The following SFMBT2 variants were observed in gnomAD, a reference collection of about 807,000 sequenced individuals.
The protein encoded by SFMBT2 is Scm like with four mbt domains 2, also known as scm-like with four MBT domains protein 2.
A neutral mutation model predicts 110.1 loss-of-function variants in SFMBT2; 38 were observed. The observed-to-expected ratio is 0.35, with a 90% confidence interval of 0.27 to 0.45. SFMBT2 has a LOEUF of 0.45. Ranked by LOEUF, SFMBT2 falls within the 20% of genes least tolerant of loss-of-function variation. The pLI is 1.00. For synonymous variants in SFMBT2, 425 were observed against 425.4 expected, an observed-to-expected ratio of 1.00 and a Z score of 0.01; for missense variants, 1,011 against 1,094.9, an observed-to-expected ratio of 0.92 and a Z score of 1.08.
chr10:7,207,325 A>G (rs1214283803), intron 11 of SFMBT2, among the ~76,000 whole-genome samples: 1 of 151,608 alleles, frequency 6.6e-6, no homozygotes, highest in African/African-American at 2.4e-5. Context: ...GCACTATTGT[A>G]CTCTGGCCTA....
chr10:7,335,579 AG>A (rs1843695306), intron 4 of SFMBT2, among the ~76,000 whole-genome samples: 1 of 109,710 alleles, frequency 9.1e-6, no homozygotes, highest in Admixed American at 1.1e-4. Flanking sequence ...AAACAGAAAC[AG>A]AAACACACAC....
Position 7,162,477 on chromosome 10 carries a change from T to G in SFMBT2, c.*1293A>C, listed in dbSNP as rs1218313167. 6.6e-6 allele frequency: 1 copy of G among 152,242 alleles called. No individual in the cohort carries two copies. The highest frequency in any genetic ancestry group is 1.5e-5 in the Non-Finnish European group (1 of 68,082). 9.4% of individuals were successfully genotyped at this position (152,242 alleles called of 1,614,324 possible). ...GGGTGCCAAGTGGCTGACTCCAGAT[T>G]CACTGCTCCTGCTGCATCATGCCTG... On this transcript the variant is annotated 3_prime_UTR_variant, in exon 21 of 21. Transcript: ENST00000397167.
At chr10:7,307,154 A>G (rs1842720425) in intron 4 of SFMBT2, among the ~76,000 whole-genome samples, 1 of 152,244 alleles carries the variant, frequency 6.6e-6, no homozygotes, top group South Asian at 2.1e-4. Flanking sequence ...GTAGAAAACT[A>G]TTACACAGAA....
At position 7,172,051 on chromosome 10, in the gene SFMBT2, G is replaced by C; in HGVS notation, c.2259C>G (p.Pro753=). Residue 753 remains proline, a synonymous_variant, in exon 19 of 21, where the codon CCC becomes CCG. Coordinates refer to ENST00000397167, the MANE Select transcript of SFMBT2 (RefSeq NM_001387889.1). The surrounding 1 kb of genome is among the most constrained non-coding windows in gnomAD (Gnocchi z 4.6). The part of the protein sequence containing the change: ...DQTDTSSAEV[P]SARPRRAVTL... ...TGACGGCCCTCCGGGGCCGGGCCGA[G>C]GGCACCTCCGCCGACGAGGTGTCCG... 3 of 1,597,602 alleles carry C rather than the reference G, an allele frequency of 1.9e-6. No homozygotes were observed. The highest frequency in any genetic ancestry group is 2.6e-6 in the Non-Finnish European group (3 of 1,172,434).
chr10:7,287,483 A>C (rs1018405148), intron 4 of SFMBT2: 4 of 239,928 alleles, frequency 1.7e-5, no homozygotes, highest in African/African-American at 9.2e-5. Context: ...ATGTCTCCCA[A>C]GCTACAGATC....
rs1023821804 is a variant in SFMBT2, at chr10:7,399,546, T to G, written c.-52+11315A>C. On this transcript the variant is annotated intron_variant, in intron 1 of 20. Coordinates refer to ENST00000397167, the MANE Select transcript of SFMBT2 (RefSeq NM_001387889.1). ...TGCGCCCAGCCTATCCACCAAATTT[T>G]ATAAATTATATCATTTAAGTGCATG... Among the ~76,000 whole-genome samples, 11 of 152,234 alleles carry G rather than the reference T, an allele frequency of 7.2e-5. No individual in the cohort carries two copies. The East Asian group carries it at 9.6e-4, about 13-fold the overall frequency.
intron 16 of SFMBT2, among the ~76,000 whole-genome samples, chr10:7,183,165 AG>A (rs1303433911): frequency 6.6e-6 from 1 of 152,208 alleles, no homozygotes; most frequent in Non-Finnish European, 1.5e-5. Context: ...GTTGGAACTA[AG>A]GAATAGCAAA....
At chr10:7,197,005 T>C (rs1838792378) in intron 15 of SFMBT2, among the ~76,000 whole-genome samples, 1 of 152,170 alleles carries the variant, frequency 6.6e-6, no homozygotes, top group Non-Finnish European at 1.5e-5. Flanking sequence ...ATGTGACCCA[T>C]GACACAAACC....
chr10:7,239,237 C>T (rs1840358637), intron 9 of SFMBT2, among the ~76,000 whole-genome samples: 1 of 152,190 alleles, frequency 6.6e-6, no homozygotes, highest in African/African-American at 2.4e-5. Context: ...ATGTTCTTAA[C>T]AGAAATTTAG....
At chr10:7,372,592 T>A (rs1845092937) in intron 2 of SFMBT2, among the ~76,000 whole-genome samples, 1 of 152,078 alleles carries the variant, frequency 6.6e-6, no homozygotes, top group Non-Finnish European at 1.5e-5. Context: ...ACCAAGAAGT[T>A]TAGAGCGTCA....
At chr10:7,395,040 C>T (rs563716378) in intron 1 of SFMBT2, among the ~76,000 whole-genome samples, 31 of 152,156 alleles carry the variant, frequency 2.0e-4, no homozygotes, top group Non-Finnish European at 4.4e-4. Flanking sequence ...TACGTTGGGC[C>T]GGGCACAGTG....
At chr10:7,199,941 C>T (rs1838898347) in intron 14 of SFMBT2, among the ~76,000 whole-genome samples, 1 of 152,132 alleles carries the variant, frequency 6.6e-6, no homozygotes, top group Non-Finnish European at 1.5e-5. Flanking sequence ...TAAGACTTTA[C>T]ACATTAAAAA....
chr10:7,270,756 A>G (rs1841553144), intron 7 of SFMBT2, among the ~76,000 whole-genome samples: 1 of 152,254 alleles, frequency 6.6e-6, no homozygotes, highest in Non-Finnish European at 1.5e-5. Flanking sequence ...AAGAAATTAA[A>G]GTGAGGGAAG....
At chr10:7,386,906 C>G (rs1345626156) in intron 1 of SFMBT2, among the ~76,000 whole-genome samples, 3 of 152,164 alleles carry the variant, frequency 2.0e-5, no homozygotes, top group African/African-American at 7.2e-5. Context: ...GATGAAGTCA[C>G]CTGCTCAGCA....
intron 4 of SFMBT2, chr10:7,348,473 C>A: frequency 3.5e-6 from 2 of 571,162 alleles, no homozygotes; most frequent in Non-Finnish European, 5.4e-6. Context: ...GTTTAATCAA[C>A]TCTACTTAAC....
chr10:7,257,802 T>C (rs1841075475), intron 7 of SFMBT2, among the ~76,000 whole-genome samples: 1 of 152,152 alleles, frequency 6.6e-6, no homozygotes, highest in South Asian at 2.1e-4. Context: ...ACATCTCACA[T>C]GATATAAAAT....
intron 10 of SFMBT2, among the ~76,000 whole-genome samples, chr10:7,223,966 T>G (rs1284905115): frequency 1.3e-5 from 2 of 152,182 alleles, no homozygotes; most frequent in Non-Finnish European, 2.9e-5. Context: ...TTGAAAATAC[T>G]TGTCTGCTCA....
At chr10:7,393,330 C>T (rs1176751228) in intron 1 of SFMBT2, among the ~76,000 whole-genome samples, 1 of 152,018 alleles carries the variant, frequency 6.6e-6, no homozygotes, top group Non-Finnish European at 1.5e-5. Flanking sequence ...CATGCCCGGC[C>T]TCATATATTA....
intron 4 of SFMBT2, among the ~76,000 whole-genome samples, chr10:7,351,284 A>C (rs574938677): frequency 6.6e-6 from 1 of 152,324 alleles, no homozygotes; most frequent in Admixed American, 6.5e-5. Flanking sequence ...CTGAGCTTTA[A>C]CTATGTGCAA....
Sources: gnomAD v4.1 joint callset for allele counts (sites outside exome capture counted in the v4.1 genomes callset) on GRCh38, gnomAD v4.1.1 for gene constraint, Gnocchi (gnomAD v3.1) non-coding constraint, MANE v1.5 for transcripts, NCBI Gene and HGNC (gene_info 2026-07-23, HGNC 2026-07-21) for gene names.